CTNNA2: variants seen among roughly 807,000 people sequenced by gnomAD.
The protein encoded by CTNNA2 is catenin alpha 2.
A neutral mutation model predicts 101.0 loss-of-function variants in CTNNA2; 42 were observed. That is an observed-to-expected ratio of 0.42 (90% CI 0.32 to 0.54). The LOEUF is 0.54. Ranked by LOEUF, CTNNA2 falls within the 20% of genes least tolerant of loss-of-function variation. The pLI is 0.14. For synonymous variants in CTNNA2, 450 were observed against 456.4 expected, an observed-to-expected ratio of 0.99 and a Z score of 0.18; for missense variants, 871 against 1,223.1, an observed-to-expected ratio of 0.71 and a Z score of 4.29.
At chr2:79,722,522 C>G (rs1192485572) in intron 2 of CTNNA2, among the ~76,000 whole-genome samples, 1 of 152,180 alleles carries the variant, frequency 6.6e-6, no homozygotes, top group Non-Finnish European at 1.5e-5. Context: ...CACAGGATCT[C>G]TGATATCGGA....
chr2:80,012,054 C>T (rs1693829066), intron 7 of CTNNA2, among the ~76,000 whole-genome samples: 1 of 152,174 alleles, frequency 6.6e-6, no homozygotes, highest in African/African-American at 2.4e-5. Context: ...TTACAGGCCT[C>T]TGCTGTTGTA....
chr2:79,780,625 C>G (rs1443475076), intron 3 of CTNNA2, among the ~76,000 whole-genome samples: 1 of 152,150 alleles, frequency 6.6e-6, no homozygotes, highest in East Asian at 1.9e-4. Flanking sequence ...TAAGAATGCC[C>G]GATCTCCTCT....
chr2:80,074,538 A>C (rs1698556653), intron 7 of CTNNA2, among the ~76,000 whole-genome samples: 1 of 152,086 alleles, frequency 6.6e-6, no homozygotes. Flanking sequence ...TGTGGGGTGA[A>C]ATAGAGGGCT....
chr2:79,194,171 C>T (rs1382606436), intron 1 of CTNNA2, among the ~76,000 whole-genome samples: 1 of 152,084 alleles, frequency 6.6e-6, no homozygotes, highest in Non-Finnish European at 1.5e-5. Flanking sequence ...AGTGTTTATT[C>T]AGCTGATATT....
chr2:79,383,055 T>C (rs1234758329), intron 4 of CTNNA2, among the ~76,000 whole-genome samples: 1 of 152,190 alleles, frequency 6.6e-6, no homozygotes, highest in Non-Finnish European at 1.5e-5. Context: ...AATAAGTCAA[T>C]AGTGTATGAG....
intron 7 of CTNNA2, among the ~76,000 whole-genome samples, chr2:80,099,931 T>C (rs1700437937): frequency 6.6e-6 from 1 of 151,790 alleles, no homozygotes; most frequent in Non-Finnish European, 1.5e-5. Context: ...TGAATCTTTA[T>C]TTTTTTTGTT....
At chr2:79,532,205 C>A (rs1459886780) in intron 1 of CTNNA2, among the ~76,000 whole-genome samples, 1 of 152,062 alleles carries the variant, frequency 6.6e-6, no homozygotes, top group African/African-American at 2.4e-5. Flanking sequence ...TAATGTGGCT[C>A]TCTCAGCCCA....
intron 1 of CTNNA2, among the ~76,000 whole-genome samples, chr2:79,576,819 A>G (rs1675829433): frequency 6.6e-6 from 1 of 152,148 alleles, no homozygotes; most frequent in South Asian, 2.1e-4. Flanking sequence ...TCCATAAGTG[A>G]AGAAGGTCAG....
intron 1 of CTNNA2, among the ~76,000 whole-genome samples, chr2:79,534,507 T>A (rs1573271920): frequency 6.6e-6 from 1 of 151,468 alleles, no homozygotes; most frequent in East Asian, 1.9e-4. Flanking sequence ...AATTTAATTA[T>A]CTTAAAATGA....
chr2:79,980,308 T>G (rs1163241269), intron 7 of CTNNA2, among the ~76,000 whole-genome samples: 2 of 152,162 alleles, frequency 1.3e-5, no homozygotes, highest in East Asian at 3.9e-4. Flanking sequence ...AGTAAATGCA[T>G]ATACTCATAT....
intron 7 of CTNNA2, among the ~76,000 whole-genome samples, chr2:80,181,759 C>T (rs1558880705): frequency 6.6e-6 from 1 of 152,190 alleles, no homozygotes; most frequent in Non-Finnish European, 1.5e-5. Context: ...TCACTGTATT[C>T]TTTGCCACTC....
intron 7 of CTNNA2, chr2:80,299,023 T>C (rs1676007639): frequency 6.6e-6 from 1 of 152,108 alleles, no homozygotes; most frequent in African/African-American, 2.4e-5. Flanking sequence ...ATATAAATAT[T>C]CGAAAAACCT....
chr2:79,451,066 TA>T (rs1670742942), intron 4 of CTNNA2, among the ~76,000 whole-genome samples: 1 of 152,070 alleles, frequency 6.6e-6, no homozygotes, highest in Admixed American at 6.6e-5. Flanking sequence ...GAGTAGTATG[TA>T]AAAACCCACT....
Position 79,685,283 on chromosome 2 carries a change from C to T in CTNNA2, c.102+33625C>T, listed in dbSNP as rs563082182. 1.6e-4 allele frequency among the ~76,000 whole-genome samples: 24 copies of T among 152,200 alleles called. No homozygotes were observed. In the South Asian group the frequency reaches 4.6e-3, roughly 29 times the overall value. ...TATGTATCATTGAACAAATATGAAT[C>T]GTGCCTGGCTTTATGGAATTTATAG... On this transcript the variant is annotated intron_variant, in intron 2 of 18. Transcript: ENST00000402739.
intron 18 of CTNNA2, among the ~76,000 whole-genome samples, chr2:80,635,658 T>G (rs77090425): frequency 0.046 from 7,043 of 152,228 alleles, 180 homozygotes; most frequent in Middle Eastern, 0.075. Flanking sequence ...ACAGGTGACA[T>G]GAGTCAAATC....
At chr2:79,213,125 T>C (rs942652406) in intron 2 of CTNNA2, among the ~76,000 whole-genome samples, 1 of 151,554 alleles carries the variant, frequency 6.6e-6, no homozygotes, top group Non-Finnish European at 1.5e-5. Flanking sequence ...AGCAGGGGAG[T>C]AGGTGGGAGT....
chr2:79,378,421 T>G (rs1337080154), intron 4 of CTNNA2, among the ~76,000 whole-genome samples: 1 of 152,152 alleles, frequency 6.6e-6, no homozygotes, highest in Non-Finnish European at 1.5e-5. Flanking sequence ...TGTTTATTTG[T>G]TTTTTAATAG....
chr2:79,836,650 C>T (rs933525164), intron 3 of CTNNA2, among the ~76,000 whole-genome samples: 11 of 152,200 alleles, frequency 7.2e-5, no homozygotes, highest in Admixed American at 2.6e-4. Flanking sequence ...TTCCTAGCTC[C>T]TGGTGGTTTG....
chr2:79,806,513 C>T (rs1412776701), intron 3 of CTNNA2, among the ~76,000 whole-genome samples: 2 of 152,132 alleles, frequency 1.3e-5, no homozygotes, highest in Admixed American at 1.3e-4. Flanking sequence ...ACCCTTCCAA[C>T]TTCTGCCCTA....
Sources: allele counts gnomAD v4.1 joint callset (sites outside exome capture counted in the v4.1 genomes callset), GRCh38; gene constraint gnomAD v4.1.1; transcripts MANE v1.5; gene names NCBI Gene and HGNC (gene_info 2026-07-23, HGNC 2026-07-21).